RBM6: variants seen among roughly 807,000 people sequenced by gnomAD.
RBM6 encodes RNA binding motif protein 6.
Under a neutral mutation model 140.4 loss-of-function variants are expected in RBM6, and 23 were observed. The ratio of observed to expected loss-of-function variants is 0.16; its 90% CI spans 0.12 to 0.23. RBM6 has a LOEUF of 0.23. Among genes scored for constraint, RBM6 ranks in the 10% least tolerant of loss-of-function variants. The pLI, the probability that RBM6 is intolerant of heterozygous loss-of-function variation, is 1.00. For missense variants in RBM6, 1,139 were observed against 1,386.7 expected, an observed-to-expected ratio of 0.82 and a Z score of 2.84; for synonymous variants, 439 against 475.6, an observed-to-expected ratio of 0.92 and a Z score of 1.00.
chr3:50,060,844 C>T (rs1402622567), intron 11 of RBM6, 112 bp from the exon 12 acceptor site: 14 of 1,213,950 alleles, frequency 1.2e-5, no homozygotes, highest in Non-Finnish European at 1.4e-5. Context: ...AGGTTGGTTC[C>T]TTTCCCTGCA....
intron 6 of RBM6, among the ~76,000 whole-genome samples, chr3:50,027,178 G>A (rs1047107410): frequency 2.0e-5 from 3 of 152,106 alleles, no homozygotes; most frequent in Non-Finnish European, 4.4e-5. Flanking sequence ...GAGGCAGAGT[G>A]TTCACTTAGA....
At chr3:49,953,865 G>A (rs1226713525) in intron 1 of RBM6, among the ~76,000 whole-genome samples, 1 of 152,078 alleles carries the variant, frequency 6.6e-6, no homozygotes, top group Non-Finnish European at 1.5e-5. Context: ...GGGCAGGGTG[G>A]CTCACACCTG....
chr3:50,052,928 A>T (rs1022127504), intron 7 of RBM6, among the ~76,000 whole-genome samples: 2 of 151,632 alleles, frequency 1.3e-5, no homozygotes, highest in Non-Finnish European at 2.9e-5. Context: ...CTGACAATGG[A>T]GAGAGGAAGT....
intron 1 of RBM6, among the ~76,000 whole-genome samples, chr3:49,953,205 G>GCCATCA (rs2083817025): frequency 1.3e-5 from 2 of 149,866 alleles, no homozygotes; most frequent in Non-Finnish European, 3.0e-5. Context: ...TTAGGGGCGT[G>GCCATCA]CCATCACACC....
intron 6 of RBM6, among the ~76,000 whole-genome samples, chr3:50,004,178 A>T (rs2086467887): frequency 6.6e-6 from 1 of 152,204 alleles, no homozygotes; most frequent in Admixed American, 6.5e-5. Flanking sequence ...TGGCCAAATT[A>T]GTCACTAAAG....
At chr3:49,970,372 C>T (rs2084734852) in intron 3 of RBM6, among the ~76,000 whole-genome samples, 1 of 151,986 alleles carries the variant, frequency 6.6e-6, no homozygotes, top group East Asian at 1.9e-4. Flanking sequence ...GAGCCACTGC[C>T]CCTACCCTTT....
At chr3:50,053,613 G>A (rs1356674161) in intron 7 of RBM6, among the ~76,000 whole-genome samples, 2 of 150,962 alleles carry the variant, frequency 1.3e-5, no homozygotes, top group Non-Finnish European at 2.9e-5. Flanking sequence ...ACCTTTACTC[G>A]CCCTATAAGG....
intron 8 of RBM6, 42 bp from the exon 9 acceptor site, chr3:50,057,686 G>C (rs755153722): frequency 1.1e-6 from 1 of 928,978 alleles, no homozygotes; most frequent in East Asian, 3.6e-5. Context: ...TTTTTTTTTT[G>C]ATAAAGCTTT....
intron 5 of RBM6, among the ~76,000 whole-genome samples, chr3:49,984,168 A>G (rs1054732955): frequency 1.3e-5 from 2 of 152,100 alleles, no homozygotes; most frequent in Non-Finnish European, 2.9e-5. Flanking sequence ...GTGGTGGTGC[A>G]TGCTTGTAGT....
At chr3:50,072,445 G>A (rs2108955144) in intron 19 of RBM6, among the ~76,000 whole-genome samples, 1 of 151,926 alleles carries the variant, frequency 6.6e-6, no homozygotes, top group Admixed American at 6.6e-5. Context: ...AAGGAAAAGT[G>A]GGTAACAAGT....
At chr3:50,033,404 A>G (rs1188650145) in intron 6 of RBM6, among the ~76,000 whole-genome samples, 1 of 152,196 alleles carries the variant, frequency 6.6e-6, no homozygotes, top group Admixed American at 6.5e-5. Context: ...AAAACAAAAC[A>G]GTACAAAACT....
intron 6 of RBM6, 49 bp from the exon 7 acceptor site, chr3:50,048,194 GTC>G: frequency 6.3e-7 from 1 of 1,597,206 alleles, no homozygotes; most frequent in Non-Finnish European, 8.5e-7. Context: ...TTCTGTCTCT[GTC>G]TGTTTCTCCA....
At chr3:50,033,939 C>T (rs150158453) in intron 6 of RBM6, among the ~76,000 whole-genome samples, 1 of 152,202 alleles carries the variant, frequency 6.6e-6, no homozygotes, top group Non-Finnish European at 1.5e-5. Flanking sequence ...AGCACTTGGC[C>T]GGATATAGTT....
At chr3:49,975,521 T>G in intron 5 of RBM6, 129 bp downstream of exon 5, 1 of 741,224 alleles carries the variant, frequency 1.3e-6, no homozygotes, top group Admixed American at 2.4e-5. Flanking sequence ...CGTTGGTGCC[T>G]CCAAATAACA....
At chr3:49,962,493 C>A in intron 1 of RBM6, 83 bp from the exon 2 acceptor site, 1 of 654,184 alleles carries the variant, frequency 1.5e-6, no homozygotes. Context: ...TGATGTGGTC[C>A]CTCATAAACC....
chr3:49,982,419 G>A (rs1269114348), intron 5 of RBM6, among the ~76,000 whole-genome samples: 1 of 151,532 alleles, frequency 6.6e-6, no homozygotes, highest in Non-Finnish European at 1.5e-5. Flanking sequence ...ATGTAAATTT[G>A]TTTGGTTTTT....
At chr3:49,986,837 G>A (rs1031496315) in intron 5 of RBM6, among the ~76,000 whole-genome samples, 1 of 148,146 alleles carries the variant, frequency 6.8e-6, no homozygotes, top group Non-Finnish European at 1.5e-5. Flanking sequence ...CCAGGATGGA[G>A]TGCATTGGCA....
chr3:50,055,038 G>T (rs993300214), intron 8 of RBM6, among the ~76,000 whole-genome samples: 3 of 152,136 alleles, frequency 2.0e-5, no homozygotes, highest in Non-Finnish European at 2.9e-5. Context: ...TAGCCAGGAT[G>T]GTCTCGATCT....
At chr3:49,963,037 T>A (rs2084353161) in intron 2 of RBM6, 1 of 162,946 alleles carries the variant, frequency 6.1e-6, no homozygotes, top group Non-Finnish European at 1.3e-5. Context: ...GAGGCGGAGC[T>A]TGCAGTGAGC....
Sources: allele counts gnomAD v4.1 joint callset (sites outside exome capture counted in the v4.1 genomes callset), GRCh38; gene constraint gnomAD v4.1.1; transcripts MANE v1.5; gene names NCBI Gene and HGNC (gene_info 2026-07-23, HGNC 2026-07-21).